The following GABRG2 variants were observed in gnomAD, a reference collection of about 807,000 sequenced individuals.
GABRG2 encodes the protein gamma-aminobutyric acid receptor subunit gamma-2.
A neutral mutation model predicts 56.4 loss-of-function variants in GABRG2; 16 were observed. The observed-to-expected ratio is 0.28, with a 90% confidence interval of 0.19 to 0.43. The LOEUF is 0.43. Among genes scored for constraint, GABRG2 ranks in the 20% least tolerant of loss-of-function variants. The probability of loss-of-function intolerance (pLI) is 1.00; values close to 1 mark genes in which losing one functional copy is unlikely to be tolerated. For synonymous variants in GABRG2, 208 were observed against 205.5 expected (o/e 1.01, Z -0.10); for missense variants, 327 against 582.7 (o/e 0.56, Z 4.52).
chr5:162,137,102 A>C (rs1166929388), intron 6 of GABRG2, among the ~76,000 whole-genome samples: 2 of 152,074 alleles, frequency 1.3e-5, no homozygotes, highest in Non-Finnish European at 2.9e-5. Flanking sequence ...GCAACTGATT[A>C]ATTTGGAAAT....
At chr5:162,105,214 A>G (rs1399939176) in intron 6 of GABRG2, among the ~76,000 whole-genome samples, 1 of 152,200 alleles carries the variant, frequency 6.6e-6, no homozygotes, top group Non-Finnish European at 1.5e-5. Context: ...ATGGAAATTT[A>G]TGATTCGATT....
At chr5:162,091,983 A>G (rs1013453292) in intron 1 of GABRG2, among the ~76,000 whole-genome samples, 1 of 152,250 alleles carries the variant, frequency 6.6e-6, no homozygotes, top group Middle Eastern at 3.4e-3. Flanking sequence ...AATATATTCT[A>G]TTATGGCATC....
intron 6 of GABRG2, among the ~76,000 whole-genome samples, chr5:162,122,120 C>G (rs896764505): frequency 1.3e-5 from 2 of 151,810 alleles, no homozygotes; most frequent in African/African-American, 4.8e-5. Flanking sequence ...TTTCTTAATT[C>G]CTCTAGAATA....
At chr5:162,145,323 C>T (rs1312720195) in intron 7 of GABRG2, among the ~76,000 whole-genome samples, 1 of 152,092 alleles carries the variant, frequency 6.6e-6, no homozygotes, top group African/African-American at 2.4e-5. Flanking sequence ...ATGAAAATAC[C>T]ATTTGGTACT....
intron 1 of GABRG2, among the ~76,000 whole-genome samples, chr5:162,069,141 A>C (rs1758469136): frequency 6.6e-6 from 1 of 152,180 alleles, no homozygotes; most frequent in Admixed American, 6.5e-5. Flanking sequence ...AGCTAAGAGT[A>C]TTAGAGGAGC....
intron 6 of GABRG2, 42 bp downstream of exon 6, chr5:162,104,068 G>T: frequency 6.2e-7 from 1 of 1,609,930 alleles, no homozygotes; most frequent in Non-Finnish European, 8.5e-7. Context: ...CCCTTCCAGA[G>T]TTGAAATTTT....
chr5:162,113,593 T>G (rs1762404887), intron 6 of GABRG2, among the ~76,000 whole-genome samples: 2 of 152,184 alleles, frequency 1.3e-5, no homozygotes, highest in Non-Finnish European at 2.9e-5. Flanking sequence ...GATGAAAGCT[T>G]CAGTTTAGAC....
In GABRG2 at chr5:162,085,782, A is replaced by G. The variant is rs144957622; in HGVS notation, c.108-8046A>G. On this transcript the variant is annotated intron_variant, in intron 1 of 9. Coordinates refer to ENST00000639213, the MANE Select transcript of GABRG2 (RefSeq NM_198904.4). ...GTGTGTTGCTCCTCTCTATTTGTCC[A>G]TGTGTCCTCATTGTTTAGCTCCCAC... 5.9e-5 allele frequency among the ~76,000 whole-genome samples: 9 copies of G among 151,672 alleles called. No homozygotes were observed. In the South Asian group the frequency reaches 8.3e-4, roughly 14 times the overall value.
chr5:162,152,244 C>T (rs1242360472), intron 9 of GABRG2: 1 of 183,180 alleles, frequency 5.5e-6, no homozygotes, highest in African/African-American at 2.4e-5. Flanking sequence ...AATATCCATT[C>T]CTTATTTCCA....
At chr5:162,106,651 G>C (rs912249706) in intron 6 of GABRG2, among the ~76,000 whole-genome samples, 1 of 152,122 alleles carries the variant, frequency 6.6e-6, no homozygotes, top group African/African-American at 2.4e-5. Context: ...TGTGGTAAAT[G>C]TATCTCCCTT....
chr5:162,128,437 T>A (rs1176106361), intron 6 of GABRG2: 1 of 152,020 alleles, frequency 6.6e-6, no homozygotes, highest in Non-Finnish European at 1.5e-5. Context: ...TTGTTTTACA[T>A]AACAGCATGC....
At chr5:162,103,594 G>C in intron 5 of GABRG2, 1 of 396,054 alleles carries the variant, frequency 2.5e-6, no homozygotes, top group Non-Finnish European at 4.8e-6. Context: ...CACTATTCCA[G>C]ATGATGTAAA....
At chr5:162,094,015 G>A in intron 2 of GABRG2, 36 bp downstream of exon 2, 13 of 1,602,696 alleles carry the variant, frequency 8.1e-6, no homozygotes, top group African/African-American at 2.7e-5. Flanking sequence ...CTATAGATAG[G>A]AGCACATAAA....
intron 1 of GABRG2, among the ~76,000 whole-genome samples, chr5:162,086,307 A>G (rs1483244556): frequency 1.3e-5 from 2 of 152,050 alleles, no homozygotes; most frequent in South Asian, 4.1e-4. Context: ...AAAACTATTC[A>G]TCGGGTGTCT....
chr5:162,120,814 T>C (rs1762932555), intron 6 of GABRG2, among the ~76,000 whole-genome samples: 1 of 152,162 alleles, frequency 6.6e-6, no homozygotes, highest in Non-Finnish European at 1.5e-5. Context: ...AACTGAATTA[T>C]ACAAGAAGAG....
intron 6 of GABRG2, among the ~76,000 whole-genome samples, chr5:162,138,274 G>A (rs1764288968): frequency 6.6e-6 from 1 of 151,922 alleles, no homozygotes; most frequent in Admixed American, 6.6e-5. Flanking sequence ...TTAGAGTGAG[G>A]TACAGATCTA....
At chr5:162,113,585 T>C (rs565984242) in intron 6 of GABRG2, among the ~76,000 whole-genome samples, 1 of 152,318 alleles carries the variant, frequency 6.6e-6, no homozygotes, top group Non-Finnish European at 1.5e-5. Context: ...GACTCAAAGA[T>C]GAAAGCTTCA....
At chr5:162,070,548 A>G (rs1268197358) in intron 1 of GABRG2, among the ~76,000 whole-genome samples, 1 of 151,558 alleles carries the variant, frequency 6.6e-6, no homozygotes, top group Non-Finnish European at 1.5e-5. Context: ...TAAAAAAAAA[A>G]TTGGTTTTTT....
intron 1 of GABRG2, among the ~76,000 whole-genome samples, chr5:162,077,159 T>G (rs191504236): frequency 0.013 from 1,946 of 151,094 alleles, 56 homozygotes; most frequent in African/African-American, 0.046. Flanking sequence ...TTAATAATCA[T>G]CATTCTTCTT....
Sources: allele counts gnomAD v4.1 joint callset (sites outside exome capture counted in the v4.1 genomes callset), GRCh38; gene constraint gnomAD v4.1.1; transcripts MANE v1.5; gene names NCBI Gene and HGNC (gene_info 2026-07-23, HGNC 2026-07-21).